DHH: variants seen among roughly 807,000 people sequenced by gnomAD.
The protein encoded by DHH is desert hedgehog protein.
A neutral mutation model predicts 27.6 loss-of-function variants in DHH; 16 were observed. The ratio of observed to expected loss-of-function variants is 0.58; its 90% CI spans 0.39 to 0.88. The LOEUF is 0.88. Ranked by LOEUF, DHH falls within the 40% of genes least tolerant of loss-of-function variation. The probability of loss-of-function intolerance (pLI) is 0.00; values close to 1 mark genes in which losing one functional copy is unlikely to be tolerated. For synonymous variants in DHH, 289 were observed against 263.4 expected (o/e 1.10, Z -0.94); for missense variants, 436 against 563.1 (o/e 0.77, Z 2.28).
chr12:49,091,232 C>T lies in DHH; in HGVS notation c.461G>A (p.Arg154His). The T allele has an allele frequency of 6.2e-7, 1 of 1,614,180 alleles. No homozygotes were observed. The highest frequency in any genetic ancestry group is 8.5e-7 in the Non-Finnish European group (1 of 1,180,028). Residue 154 changes from arginine (R) to histidine (H), a missense_variant, in exon 2 of 3, where the codon CGC becomes CAC. By Grantham distance (29) the Arg-to-His change is conservative. Coordinates refer to ENST00000649637, the MANE Select transcript of DHH (RefSeq NM_021044.4). The surrounding 1 kb of genome is among the most constrained non-coding windows in gnomAD (Gnocchi z 4.8). ...GRALDITTSDRDRNKYGLLAR... is the reference protein window; with the variant it reads ...GRALDITTSDHDRNKYGLLAR... The stretch of plus-strand genomic sequence containing the variant: ...CAGCAACCCATACTTGTTGCGGTCG[C>T]GGTCAGACGTAGTGATGTCCAAAGC...
At position 49,087,894 on chromosome 12, in the gene DHH, G is replaced by C. The variant is rs1457293839; in HGVS notation, c.*1965C>G. Among the ~76,000 whole-genome samples the C allele has an allele frequency of 6.6e-6, 1 of 152,192 alleles. No homozygotes were observed. Among genetic ancestry groups the C allele is most frequent in the Non-Finnish European group, 1.5e-5 (1 of 68,036 alleles). ...GTTTAGAAAGTAGGAAAGGTCCACA[G>C]CTTGGGATGTGTTTCTGAGACCCGG... On this transcript the variant is annotated 3_prime_UTR_variant, in exon 3 of 3. Transcript: ENST00000649637.
rs1939302406 is a variant in DHH at position 49,091,442 on chromosome 12, G to A, written c.304-53C>T. 2.5e-6 allele frequency: 4 copies of A among 1,607,246 alleles called. No individual in the cohort carries two copies. The highest frequency in any genetic ancestry group is 3.4e-6 in the Non-Finnish European group (4 of 1,178,014). On this transcript the variant is annotated intron_variant, in intron 1 of 2. Coordinates refer to ENST00000649637, the MANE Select transcript of DHH (RefSeq NM_021044.4). This position sits in a 1 kb window ranked among gnomAD's most constrained non-coding sequence, Gnocchi z 4.8. ...CCCACCACCACCCTTGGGGCAAAAG[G>A]GACCTGGATAGGAGGGTTGATTCTT...
chr12:49,089,751 TC>T lies in DHH; in HGVS notation c.*107del. ...CATAGCCCCATTTTCTCCCTCCCCC[TC>T]CCTCTCCCTCCCTTCCAGTCGGCAT... On this transcript the variant is annotated 3_prime_UTR_variant, in exon 3 of 3. Coordinates refer to ENST00000649637, the MANE Select transcript of DHH (RefSeq NM_021044.4). The T allele has an allele frequency of 7.4e-7, 1 of 1,342,746 alleles. No homozygotes were observed. Among genetic ancestry groups the T allele is most frequent in the Non-Finnish European group, 9.8e-7 (1 of 1,023,510 alleles). 83.2% of individuals were successfully genotyped at this position (1,342,746 alleles called of 1,614,324 possible).
chr12:49,089,771 T>G lies in DHH; in HGVS notation c.*88A>C. 1 of 1,407,688 alleles carries G rather than the reference T, an allele frequency of 7.1e-7. No individual in the cohort carries two copies. The highest frequency in any genetic ancestry group is 9.3e-7 in the Non-Finnish European group (1 of 1,074,888). 87.2% of individuals were successfully genotyped at this position (1,407,688 alleles called of 1,614,324 possible). ...CCCCCTCCCTCTCCCTCCCTTCCAG[T>G]CGGCATCGTCTGCTGCCCACAGCCC... is the stretch of plus-strand genomic sequence containing the variant. On this transcript the variant is annotated 3_prime_UTR_variant, in exon 3 of 3. Transcript: ENST00000649637.
rs7301075 is a variant in DHH, at chr12:49,087,516, A to G, written c.*2343T>C. ...CCAGGAGTTCAAGACCAGCCTGGGC[A>G]ACGTAGCAAGACTCTGTCTCTACAG... On this transcript the variant is annotated 3_prime_UTR_variant, in exon 3 of 3. Coordinates refer to ENST00000649637, the MANE Select transcript of DHH (RefSeq NM_021044.4). Among the ~76,000 whole-genome samples the G allele has an allele frequency of 0.097, 14,730 of 152,204 alleles. 1,174 individuals carry two copies. Among genetic ancestry groups the G allele is most frequent in the African/African-American group, 0.22 (9,084 of 41,478 alleles).
Position 49,089,015 on chromosome 12 carries a change from T to C in DHH, c.*844A>G, listed in dbSNP as rs1939250061. On this transcript the variant is annotated 3_prime_UTR_variant, in exon 3 of 3. Transcript: ENST00000649637. Reference sequence around the variant, plus strand: ...CATATCAGAAAAAACATCCACCCCATCCAGGCCCTGCCACCAAGGTAGGAT... The same window carrying C: ...CATATCAGAAAAAACATCCACCCCACCCAGGCCCTGCCACCAAGGTAGGAT... Among the ~76,000 whole-genome samples the C allele has an allele frequency of 6.6e-6, 1 of 152,156 alleles. No homozygotes were observed. Among genetic ancestry groups the C allele is most frequent in the Admixed American group, 6.6e-5 (1 of 15,266 alleles).
At position 49,090,420 on chromosome 12, in the gene DHH, G is replaced by A. The variant is rs764922471; in HGVS notation, c.630C>T (p.Ser210=). 4.4e-6 allele frequency: 7 copies of A among 1,608,962 alleles called. No individual in the cohort carries two copies. Among genetic ancestry groups the A allele is most frequent in the Non-Finnish European group, 5.9e-6 (7 of 1,179,218 alleles). ...GTTCCCGCAGCCCTTTCCGCTCGCC[G>A]CTCCACAGGCGCACAGTTGCATTTC... ...FPGNATVRLW[S]GERKGLRELH... The change falls in exon 3 of 3, where the codon AGC becomes AGT. Residue 210 remains serine, a synonymous_variant. Transcript: ENST00000649637. The surrounding 1 kb of genome is among the most constrained non-coding windows in gnomAD (Gnocchi z 5.2).
In DHH at chr12:49,088,512, C is replaced by A. The variant is rs1316606247; in HGVS notation, c.*1347G>T. Among the ~76,000 whole-genome samples, 1 of 152,146 alleles carries A rather than the reference C, an allele frequency of 6.6e-6. No homozygotes were observed. Among genetic ancestry groups the A allele is most frequent in the African/African-American group, 2.4e-5 (1 of 41,420 alleles). ...GGCAAGGGCGAGCTCCGGGTGGTAC[C>A]AACAACCCCCGACTATTTCCTCCTC... On this transcript the variant is annotated 3_prime_UTR_variant, in exon 3 of 3. Transcript: ENST00000649637.
intron 1 of DHH, chr12:49,093,424 G>T (rs1406372331): frequency 1.3e-5 from 2 of 152,060 alleles, no homozygotes; most frequent in African/African-American, 4.8e-5. Context: ...CGCCAGAGGT[G>T]GTCCTTCTCT....
At chr12:49,092,655 C>A (rs1053359330) in intron 1 of DHH, among the ~76,000 whole-genome samples, 2 of 152,246 alleles carry the variant, frequency 1.3e-5, no homozygotes, top group Non-Finnish European at 1.5e-5. Context: ...TTTGTCGTTT[C>A]GTCCCCTAAG....
At chr12:49,093,330 G>C (rs1489021359) in intron 1 of DHH, 1 of 152,144 alleles carries the variant, frequency 6.6e-6, no homozygotes, top group African/African-American at 2.4e-5. Context: ...CGAGGTGGGA[G>C]GATCCCTTGA....
At position 49,094,295 on chromosome 12, in the gene DHH, C is replaced by T; in HGVS notation, c.218G>A (p.Arg73His). 1 of 1,613,382 alleles carries T rather than the reference C, an allele frequency of 6.2e-7. No individual in the cohort carries two copies. Among genetic ancestry groups the T allele is most frequent in the Non-Finnish European group, 8.5e-7 (1 of 1,179,936 alleles). ...AEGRVARGSE[R>H]FRDLVPNYNP... is the part of the protein sequence containing the mutation. ...GTAGTTGGGCACGAGGTCCCGGAAG[C>T]GCTCGGAGCCCCTTGCCACCCTCCC... Residue 73 changes from arginine (R) to histidine (H), a missense_variant, in exon 1 of 3, where the codon CGC becomes CAC. Transcript: ENST00000649637.
chr12:49,089,404 C>T lies in DHH; in HGVS notation c.*455G>A, dbSNP rs762013351. On this transcript the variant is annotated 3_prime_UTR_variant, in exon 3 of 3. Coordinates refer to ENST00000649637, the MANE Select transcript of DHH (RefSeq NM_021044.4). ...TATCCCCCTCTCTGGAGGTGAATCA[C>T]CCTCTGAATGGAAGTGTTTTCCAGT... is the stretch of plus-strand genomic sequence containing the variant. 1.9e-5 allele frequency: 3 copies of T among 154,318 alleles called. No individual in the cohort carries two copies. The highest frequency in any genetic ancestry group is 6.5e-5 in the Admixed American group (1 of 15,316). The allele number at this position is 154,318 out of a possible 1,614,324, so 9.6% of individuals were successfully genotyped here.
Position 49,090,201 on chromosome 12 carries a change from T to C in DHH, c.849A>G (p.Pro283=), listed in dbSNP as rs894191174. The change falls in exon 3 of 3, where the codon CCA becomes CCG. Residue 283 remains proline (P), a synonymous_variant. Coordinates refer to ENST00000649637, the MANE Select transcript of DHH (RefSeq NM_021044.4). This position sits in a 1 kb window ranked among gnomAD's most constrained non-coding sequence, Gnocchi z 5.2. ...VFAARGPAPA[P]GDFAPVFARR... is the part of the protein sequence containing the mutation. ...GCGCGAACACCGGTGCAAAGTCGCC[T>C]GGCGCGGGCGCCGGCCCTCGAGCGG... 1.3e-6 allele frequency: 2 copies of C among 1,550,992 alleles called. No individual in the cohort carries two copies. The highest frequency in any genetic ancestry group is 1.7e-6 in the Non-Finnish European group (2 of 1,147,642).
rs1476727151 is a variant in DHH, at chr12:49,090,702, TG to T, written c.566-219del. ...ATGTATGTATGTATGTATGTATGTATGTATGTATGTATTTTGAGATAGAATC... is the reference window on the plus strand; with the variant it reads ...ATGTATGTATGTATGTATGTATGTATTATGTATGTATTTTGAGATAGAATC... On this transcript the variant is annotated intron_variant, in intron 2 of 2. Transcript: ENST00000649637. This position sits in a 1 kb window ranked among gnomAD's most constrained non-coding sequence, Gnocchi z 5.2. Among the ~76,000 whole-genome samples the T allele has an allele frequency of 1.8e-3, 264 of 150,774 alleles. 2 individuals are homozygous for T. In the South Asian group the frequency reaches 0.022, roughly 13 times the overall value.
In DHH at chr12:49,090,536, C is replaced by T. The variant is rs759081277; in HGVS notation, c.566-52G>A. On this transcript the variant is annotated intron_variant, in intron 2 of 2. Coordinates refer to ENST00000649637, the MANE Select transcript of DHH (RefSeq NM_021044.4). The surrounding 1 kb of genome is among the most constrained non-coding windows in gnomAD (Gnocchi z 5.2). ...TGAATCAAGACCAGCGGTTCCAGAA[C>T]GATTCTCAAGGCCAGCGCAGATATC... 1.4e-5 allele frequency: 22 copies of T among 1,585,636 alleles called. No individual in the cohort carries two copies. The highest frequency in any genetic ancestry group is 1.7e-5 in the Non-Finnish European group (20 of 1,174,888).
In DHH at chr12:49,087,990, AACTTG is replaced by A. The variant is rs1939234590; in HGVS notation, c.*1864_*1868del. On this transcript the variant is annotated 3_prime_UTR_variant, in exon 3 of 3. Transcript: ENST00000649637. Reference sequence around the variant, plus strand: ...AGTGGGTGGAAGGACACCAAAGGTAAACTTGACCTGCTTCCAAATATTGCCTTTAT... The same window carrying A: ...AGTGGGTGGAAGGACACCAAAGGTAAACCTGCTTCCAAATATTGCCTTTAT... 6.6e-6 allele frequency among the ~76,000 whole-genome samples: 1 copy of A among 152,228 alleles called. No homozygotes were observed. Among genetic ancestry groups the A allele is most frequent in the African/African-American group, 2.4e-5 (1 of 41,532 alleles).
In DHH at chr12:49,090,811, C is replaced by T. The variant is rs536949186; in HGVS notation, c.565+317G>A. Among the ~76,000 whole-genome samples the T allele has an allele frequency of 1.3e-5, 2 of 152,152 alleles. No homozygotes were observed. The highest frequency in any genetic ancestry group is 2.4e-5 in the African/African-American group (1 of 41,434). ...CTACCTCCCGGGTTCAAGTGATTCT[C>T]GTGCCTCAGCCTCACGAGTAGCCGG... On this transcript the variant is annotated intron_variant, in intron 2 of 2. Transcript: ENST00000649637. This position sits in a 1 kb window ranked among gnomAD's most constrained non-coding sequence, Gnocchi z 5.2.
At position 49,089,514 on chromosome 12, in the gene DHH, A is replaced by C; in HGVS notation, c.*345T>G. On this transcript the variant is annotated 3_prime_UTR_variant, in exon 3 of 3. Coordinates refer to ENST00000649637, the MANE Select transcript of DHH (RefSeq NM_021044.4). ...CTGGCTGGCTGTGTCAGACAGTGTT[A>C]ATGCCATGCCCCAGCCCCTCACCTT... The C allele has an allele frequency of 5.0e-6, 1 of 201,578 alleles. No individual in the cohort carries two copies. Among genetic ancestry groups the C allele is most frequent in the Non-Finnish European group, 9.9e-6 (1 of 100,840 alleles). The allele number at this position is 201,578 out of a possible 1,614,324, so 12.5% of individuals were successfully genotyped here.
Sources: allele counts gnomAD v4.1 joint callset (sites outside exome capture counted in the v4.1 genomes callset), GRCh38; gene constraint gnomAD v4.1.1; non-coding constraint Gnocchi (gnomAD v3.1); transcripts MANE v1.5; gene names NCBI Gene and HGNC (gene_info 2026-07-23, HGNC 2026-07-21).